Variants in SH3BGRL2 observed in about 807,000 individuals in gnomAD.
SH3BGRL2 encodes the protein SH3 domain binding glutamate rich protein like 2.
A neutral mutation model predicts 14.8 loss-of-function variants in SH3BGRL2; 21 were observed. The observed-to-expected ratio is 1.42, with a 90% CI of 1.01 to 2.05. The LOEUF (loss-of-function observed/expected upper bound fraction) is 2.05, where lower values mean the gene tolerates loss of function less well. Among genes scored for constraint, SH3BGRL2 ranks in the 30% most tolerant of loss-of-function variants. The probability of loss-of-function intolerance (pLI) is 0.00; values close to 1 mark genes in which losing one functional copy is unlikely to be tolerated. For synonymous variants in SH3BGRL2, 50 were observed against 47.8 expected (o/e 1.05, Z -0.19); for missense variants, 147 against 130.8 (o/e 1.12, Z -0.61).
chr6:79,617,821 G>C, the SH3BGRL2 span, among the ~76,000 whole-genome samples: 1 of 152,162 alleles, frequency 6.6e-6, no homozygotes, highest in Non-Finnish European at 1.5e-5. Flanking sequence ...ACTTCAAATT[G>C]CAACAATCAG....
the SH3BGRL2 span, among the ~76,000 whole-genome samples, chr6:79,609,472 G>A: frequency 6.6e-6 from 1 of 151,948 alleles, no homozygotes; most frequent in Non-Finnish European, 1.5e-5. Context: ...TGCTGACAGG[G>A]GACTCTCTCA....
chr6:79,682,546 T>A (rs1388191488), intron 2 of SH3BGRL2, among the ~76,000 whole-genome samples: 2 of 152,042 alleles, frequency 1.3e-5, no homozygotes, highest in African/African-American at 2.4e-5. Context: ...TGCTAACATA[T>A]CTCCTTGTCT....
At chr6:79,586,923 T>A in the SH3BGRL2 span, among the ~76,000 whole-genome samples, 1 of 152,208 alleles carries the variant, frequency 6.6e-6, no homozygotes, top group African/African-American at 2.4e-5. Flanking sequence ...GTTCTACCAG[T>A]TCTCAAACTA....
At chr6:79,553,983 A>C in the SH3BGRL2 span, among the ~76,000 whole-genome samples, 1 of 149,492 alleles carries the variant, frequency 6.7e-6, no homozygotes, top group Non-Finnish European at 1.5e-5. Context: ...AAAAAAAAGA[A>C]AAGAAAAGAG....
chr6:79,671,997 T>C (rs1769784548), intron 1 of SH3BGRL2, among the ~76,000 whole-genome samples: 1 of 152,234 alleles, frequency 6.6e-6, no homozygotes, highest in Non-Finnish European at 1.5e-5. Context: ...TTTACCTGTT[T>C]TGTTTTTTCA....
At chr6:79,674,955 GTTATT>G (rs1385985801) in intron 2 of SH3BGRL2, among the ~76,000 whole-genome samples, 2 of 152,108 alleles carry the variant, frequency 1.3e-5, no homozygotes, top group Non-Finnish European at 2.9e-5. Flanking sequence ...AATGAAAATT[GTTATT>G]TTATGGGGTT....
intron 1 of SH3BGRL2, 113 bp from the exon 2 acceptor site, chr6:79,673,501 A>G: frequency 9.5e-7 from 1 of 1,056,244 alleles, no homozygotes; most frequent in South Asian, 1.6e-5. Context: ...CATGACACCT[A>G]CATAAATCAC....
At chr6:79,661,220 G>A (rs1393112209) in intron 1 of SH3BGRL2, among the ~76,000 whole-genome samples, 1 of 152,168 alleles carries the variant, frequency 6.6e-6, no homozygotes. Context: ...TAACTGTGAT[G>A]TTAGGGTGTC....
the SH3BGRL2 span, among the ~76,000 whole-genome samples, chr6:79,571,495 T>C: frequency 6.6e-6 from 1 of 152,180 alleles, no homozygotes; most frequent in African/African-American, 2.4e-5. Context: ...CCCAGCTTTA[T>C]TGAGGTATAA....
intron 2 of SH3BGRL2, among the ~76,000 whole-genome samples, chr6:79,686,324 C>G (rs1770089230): frequency 6.6e-6 from 1 of 152,022 alleles, no homozygotes; most frequent in Non-Finnish European, 1.5e-5. Flanking sequence ...TTTTTCCCCC[C>G]TCCCTTCCAT....
At chr6:79,541,435 T>G in the SH3BGRL2 span, among the ~76,000 whole-genome samples, 2 of 152,204 alleles carry the variant, frequency 1.3e-5, no homozygotes, top group African/African-American at 2.4e-5. Flanking sequence ...TGCTCAATGT[T>G]ATTAAAATTT....
At chr6:79,547,747 T>C in the SH3BGRL2 span, among the ~76,000 whole-genome samples, 1 of 152,194 alleles carries the variant, frequency 6.6e-6, no homozygotes, top group Non-Finnish European at 1.5e-5. Flanking sequence ...ATGATGAGAC[T>C]CTGGAGTTCC....
chr6:79,692,535 A>G (rs1770242638), intron 2 of SH3BGRL2, among the ~76,000 whole-genome samples: 1 of 152,148 alleles, frequency 6.6e-6, no homozygotes, highest in Admixed American at 6.5e-5. Context: ...ATTTTTGTAT[A>G]AGGTGTAAGG....
chr6:79,583,919 G>A, the SH3BGRL2 span, among the ~76,000 whole-genome samples: 1 of 152,090 alleles, frequency 6.6e-6, no homozygotes, highest in Non-Finnish European at 1.5e-5. Context: ...GGGTATTGCT[G>A]GTCTTCATTT....
the SH3BGRL2 span, among the ~76,000 whole-genome samples, chr6:79,581,484 C>T: frequency 6.6e-6 from 1 of 152,158 alleles, no homozygotes; most frequent in African/African-American, 2.4e-5. Context: ...GCTGGTTCAA[C>T]ATACGCAAAT....
At chr6:79,545,700 T>C in the SH3BGRL2 span, among the ~76,000 whole-genome samples, 1 of 152,184 alleles carries the variant, frequency 6.6e-6, no homozygotes, top group Admixed American at 6.5e-5. Context: ...CTGTAAAACA[T>C]TGACAAAGTT....
the SH3BGRL2 span, among the ~76,000 whole-genome samples, chr6:79,543,012 C>T: frequency 6.6e-6 from 1 of 152,154 alleles, no homozygotes; most frequent in African/African-American, 2.4e-5. Flanking sequence ...CTACAGAGTA[C>T]TTTCATGAAG....
chr6:79,635,469 C>G (rs1768904596), intron 1 of SH3BGRL2, among the ~76,000 whole-genome samples: 1 of 152,216 alleles, frequency 6.6e-6, no homozygotes, highest in Non-Finnish European at 1.5e-5. Context: ...AACTTACTTA[C>G]CCAGGTTCTG....
At chr6:79,601,495 GAGA>G in the SH3BGRL2 span, among the ~76,000 whole-genome samples, 1 of 152,208 alleles carries the variant, frequency 6.6e-6, no homozygotes, top group Non-Finnish European at 1.5e-5. Context: ...CTTGCCTGGT[GAGA>G]AGGAGTTTTA....
Sources: allele counts gnomAD v4.1 joint callset (sites outside exome capture counted in the v4.1 genomes callset), GRCh38; gene constraint gnomAD v4.1.1; transcripts MANE v1.5; gene names NCBI Gene and HGNC (gene_info 2026-07-23, HGNC 2026-07-21).